RBFOX1: variants seen among roughly 807,000 people sequenced by gnomAD.
RBFOX1 encodes RNA binding fox-1 homolog 1.
A neutral mutation model predicts 57.7 loss-of-function variants in RBFOX1; 8 were observed. The observed-to-expected ratio is 0.14, with a 90% CI of 0.08 to 0.25. RBFOX1 has a LOEUF of 0.25. RBFOX1 is among the 10% of genes least tolerant of loss of function. The pLI, the probability that RBFOX1 is intolerant of heterozygous loss-of-function variation, is 1.00. For synonymous variants in RBFOX1, 326 were observed against 222.4 expected (o/e 1.47, Z -4.15); for missense variants, 611 against 548.5 (o/e 1.11, Z -1.14).
At chr16:6,018,990 A>T, upstream of RBFOX1, 1 of 723,966 alleles carries the variant, frequency 1.4e-6, no homozygotes, top group Non-Finnish European at 1.7e-6. Flanking sequence ...GGCGCTGGCG[A>T]GGGGAAGGGG....
chr16:7,595,400 C>G (rs1444686891), intron 7 of RBFOX1, 149 bp from the exon 8 acceptor site: 2 of 509,578 alleles, frequency 3.9e-6, no homozygotes, highest in Non-Finnish European at 6.7e-6. Context: ...TATTGCACAT[C>G]TCAGTACTCT....
intron 3 of RBFOX1, among the ~76,000 whole-genome samples, chr16:6,822,995 A>G (rs541646490): frequency 1.3e-5 from 2 of 152,342 alleles, no homozygotes; most frequent in East Asian, 3.9e-4. Context: ...CTCAACGTGT[A>G]GATACTTTGC....
intron 1 of RBFOX1, among the ~76,000 whole-genome samples, chr16:6,147,101 T>G: frequency 6.6e-6 from 1 of 152,154 alleles, no homozygotes; most frequent in East Asian, 1.9e-4. Flanking sequence ...GGAATCAGAA[T>G]TTGCATGGAT....
intron 10 of RBFOX1, among the ~76,000 whole-genome samples, chr16:7,613,414 G>C (rs1467585496): frequency 1.3e-5 from 2 of 152,124 alleles, no homozygotes; most frequent in Non-Finnish European, 2.9e-5. Flanking sequence ...AATAGAAATA[G>C]AAGAGATTCA....
intron 4 of RBFOX1, among the ~76,000 whole-genome samples, chr16:7,288,876 G>A (rs551717293): frequency 2.6e-5 from 4 of 152,288 alleles, no homozygotes; most frequent in Admixed American, 2.6e-4. Context: ...GTATTTCTTG[G>A]ACTTGTGTGT....
chr16:6,835,228 C>G (rs1472043573), intron 3 of RBFOX1, among the ~76,000 whole-genome samples: 1 of 152,018 alleles, frequency 6.6e-6, no homozygotes. Context: ...GAAGATGGCT[C>G]CGTTAGTGAG....
intron 4 of RBFOX1, among the ~76,000 whole-genome samples, chr16:7,072,039 A>G: frequency 6.6e-6 from 1 of 152,198 alleles, no homozygotes. Flanking sequence ...AACGATTTCT[A>G]AACTAGATTA....
chr16:6,952,409 G>T (rs2080950997), intron 3 of RBFOX1, among the ~76,000 whole-genome samples: 1 of 152,176 alleles, frequency 6.6e-6, no homozygotes, highest in Non-Finnish European at 1.5e-5. Flanking sequence ...CACTTTGTGA[G>T]GCCAAGGCAG....
chr16:6,974,336 C>CTTTTTTTT (rs59299498), intron 3 of RBFOX1, among the ~76,000 whole-genome samples: 144 of 58,690 alleles, frequency 2.5e-3, no homozygotes, highest in East Asian at 3.2e-3. Context: ...TTTTCTTTTT[C>CTTTTTTTT]TTTTTTTTTT....
intron 2 of RBFOX1, among the ~76,000 whole-genome samples, chr16:6,585,592 T>A (rs2097598200): frequency 6.6e-6 from 1 of 152,132 alleles, no homozygotes; most frequent in Non-Finnish European, 1.5e-5. Flanking sequence ...GTAGGACTCT[T>A]CCAGTCTTGT....
At position 5,618,959 on chromosome 16, in the gene RBFOX1, C is replaced by T. The variant is rs1010805498; in HGVS notation, c.318+19998C>T. Among the ~76,000 whole-genome samples the T allele has an allele frequency of 2.6e-5, 4 of 152,146 alleles. No individual in the cohort carries two copies. The East Asian group carries it at 5.8e-4, about 22-fold the overall frequency. ...ATGACTTTGGGTAGCTGATGGGTGC[C>T]GGCTCCTCCCAGCCGGCATCCTTTG... On this transcript the variant is annotated intron_variant, in intron 3 of 19. Transcript: ENST00000641259.
intron 3 of RBFOX1, among the ~76,000 whole-genome samples, chr16:6,989,143 G>A (rs143830779): frequency 1.6e-4 from 25 of 152,216 alleles, no homozygotes; most frequent in Non-Finnish European, 2.1e-4. Context: ...TGATCTGCCC[G>A]CCTCAGCCTT....
intron 3 of RBFOX1, among the ~76,000 whole-genome samples, chr16:6,935,247 T>A (rs1443272503): frequency 6.6e-6 from 1 of 152,070 alleles, no homozygotes; most frequent in East Asian, 1.9e-4. Context: ...AGAAGTAATG[T>A]GTTTAGTGTG....
chr16:6,089,749 T>C (rs1452305808), intron 1 of RBFOX1, among the ~76,000 whole-genome samples: 4 of 152,136 alleles, frequency 2.6e-5, no homozygotes, highest in East Asian at 3.9e-4. Context: ...GGTGAAAGAT[T>C]GGCCAATATT....
intron 3 of RBFOX1, among the ~76,000 whole-genome samples, chr16:5,643,206 T>C (rs1477327029): frequency 6.6e-6 from 1 of 152,182 alleles, no homozygotes; most frequent in African/African-American, 2.4e-5. Context: ...GGAACTTGCC[T>C]AAAGTTACAT....
At chr16:7,094,910 G>T (rs73542410) in intron 4 of RBFOX1, among the ~76,000 whole-genome samples, 1 of 152,042 alleles carries the variant, frequency 6.6e-6, no homozygotes, top group South Asian at 2.1e-4. Flanking sequence ...CTTTTGCCCC[G>T]TCTCTTAATA....
At position 5,392,546 on chromosome 16, in the gene RBFOX1, C is replaced by CT. The variant is rs936496320; in HGVS notation, c.220-74660dup. On this transcript the variant is annotated intron_variant, in intron 1 of 2. Coordinates refer to the RBFOX1 transcript ENST00000585867. ...ATATATATATTTTTTTTCTTTTTTT[C>CT]TTTTTTTTTTGAGACAGGGTCTCAT... is the stretch of plus-strand genomic sequence containing the variant. Among the ~76,000 whole-genome samples the CT allele has an allele frequency of 5.7e-4, 82 of 142,960 alleles. 1 individual carries two copies. Among genetic ancestry groups the CT allele is most frequent in the East Asian group, 4.5e-3 (22 of 4,906 alleles). The allele number at this position is 142,960 out of a possible 152,430, so 93.8% of individuals were successfully genotyped here. A position where few individuals can be genotyped will look rare whatever the true frequency, so the allele number is the denominator to read the frequency against.
chr16:5,770,848 G>A (rs930633363), intron 3 of RBFOX1, among the ~76,000 whole-genome samples: 3 of 152,216 alleles, frequency 2.0e-5, no homozygotes, highest in African/African-American at 7.2e-5. Flanking sequence ...GACATCACTA[G>A]TTGATCACGG....
chr16:6,354,069 A>T (rs2086860880), intron 2 of RBFOX1, among the ~76,000 whole-genome samples: 1 of 151,932 alleles, frequency 6.6e-6, no homozygotes, highest in Non-Finnish European at 1.5e-5. Context: ...AAAATACAAA[A>T]ATTAGCCAGG....
Sources: allele counts gnomAD v4.1 joint callset (sites outside exome capture counted in the v4.1 genomes callset), GRCh38; gene constraint gnomAD v4.1.1; transcripts MANE v1.5; gene names NCBI Gene and HGNC (gene_info 2026-07-23, HGNC 2026-07-21).